Variants in KAT5 observed in about 807,000 individuals in gnomAD.
KAT5 encodes the protein histone acetyltransferase KAT5.
Under a neutral mutation model 68.1 loss-of-function variants are expected in KAT5, and 31 were observed. The observed-to-expected ratio is 0.46, with a 90% CI of 0.34 to 0.61. KAT5 has a LOEUF of 0.61. Ranked by LOEUF, KAT5 falls within the 20% of genes least tolerant of loss-of-function variation. The probability of loss-of-function intolerance (pLI) is 0.01; values close to 1 mark genes in which losing one functional copy is unlikely to be tolerated. For missense variants in KAT5, 451 were observed against 725.5 expected (o/e 0.62, Z 4.35); for synonymous variants, 365 against 292.6 (o/e 1.25, Z -2.52).
At position 65,713,868 on chromosome 11, in the gene KAT5, G is replaced by A; in HGVS notation, c.690+20G>A. 1.3e-6 allele frequency: 2 copies of A among 1,559,622 alleles called. No individual in the cohort carries two copies. ...GATGAGGTGGGTCTGGGGAGCAGCAGAAGGGAACTGGGTGAAAAGGAAGGG... is the reference window on the plus strand; with the variant it reads ...GATGAGGTGGGTCTGGGGAGCAGCAAAAGGGAACTGGGTGAAAAGGAAGGG... On this transcript the variant is annotated intron_variant, in intron 6 of 12. Coordinates refer to ENST00000341318, the MANE Select transcript of KAT5 (RefSeq NM_182710.3).
At chr11:65,717,430 G>T (rs933459052) in intron 10 of KAT5, 1 of 230,636 alleles carries the variant, frequency 4.3e-6, no homozygotes, top group South Asian at 6.1e-5. Flanking sequence ...GTTGTCCCTC[G>T]CTCCTTGTGT....
chr11:65,713,838 G>T lies in KAT5; in HGVS notation c.680G>T (p.Gly227Val), dbSNP rs1243477059. ...PGRKRKSNCL[G>V]TDEDSQDSSD... ...CGGAAGCGAAAATCGAATTGTTTGG[G>T]CACTGATGAGGTGGGTCTGGGGAGC... is the stretch of plus-strand genomic sequence containing the variant. Residue 227 changes from glycine (G) to valine (V), a missense_variant, in exon 6 of 13, where the codon GGC becomes GTC. Around this residue, in one of 4 missense-constraint regions of KAT5, gnomAD observed 210 missense variants for 423.7 expected, o/e 0.50. Transcript: ENST00000341318. 1 of 1,581,166 alleles carries T rather than the reference G, an allele frequency of 6.3e-7. No individual in the cohort carries two copies. The highest frequency in any genetic ancestry group is 1.3e-5 in the African/African-American group (1 of 74,246).
intron 10 of KAT5, chr11:65,718,353 G>C (rs1857275896): frequency 2.1e-6 from 1 of 481,514 alleles, no homozygotes; most frequent in South Asian, 3.0e-5. Flanking sequence ...CCTCATGGTT[G>C]ACTGCAGCTG....
intron 8 of KAT5, 88 bp from the exon 9 acceptor site, chr11:65,716,579 C>T (rs1325418795): frequency 1.1e-5 from 15 of 1,319,508 alleles, no homozygotes; most frequent in Middle Eastern, 2.0e-4. Flanking sequence ...GGGCATAGCA[C>T]GAACAGTGAA....
chr11:65,713,280 C>G, intron 3 of KAT5, 68 bp from the exon 4 acceptor site: 1 of 1,514,682 alleles, frequency 6.6e-7, no homozygotes, highest in Non-Finnish European at 9.1e-7. Context: ...GGTGAGGGAC[C>G]CCTCTTCCCC....
chr11:65,717,092 A>T, intron 10 of KAT5, 110 bp downstream of exon 10: 1 of 860,522 alleles, frequency 1.2e-6, no homozygotes, highest in Non-Finnish European at 1.9e-6. Context: ...CCCAGCCTCT[A>T]GGGGAACCAG....
intron 8 of KAT5, 73 bp from the exon 9 acceptor site, chr11:65,716,594 C>G: frequency 6.9e-7 from 1 of 1,456,710 alleles, no homozygotes; most frequent in Non-Finnish European, 9.5e-7. Context: ...AGTGAAGCTC[C>G]TGGTTGACCC....
intron 1 of KAT5, 109 bp downstream of exon 1, chr11:65,712,554 C>T: frequency 1.5e-6 from 2 of 1,372,828 alleles, no homozygotes; most frequent in Non-Finnish European, 2.0e-6. Flanking sequence ...GGGCGAGGCG[C>T]AGATACTTTG....
rs1426020949 is a variant in KAT5 at position 65,716,732 on chromosome 11, C to T, written c.1095C>T (p.Asp365=). The change falls in exon 9 of 13, where the codon GAC becomes GAT. Residue 365 remains aspartate (D), a synonymous_variant. Transcript: ENST00000341318. ...TTGACCATAAGACACTGTACTATGA[C>T]ACAGACCCTTTCCTCTTCTACGTCA... ...CFLDHKTLYY[D]TDPFLFYVMT... is the part of the protein sequence containing the mutation. 11 of 1,613,540 alleles carry T rather than the reference C, an allele frequency of 6.8e-6. No individual in the cohort carries two copies. The highest frequency in any genetic ancestry group is 9.3e-6 in the Non-Finnish European group (11 of 1,179,546).
rs544178067 is a variant in KAT5, at chr11:65,718,309, C to A, written c.1265-281C>A. 46 of 344,156 alleles carry A rather than the reference C, an allele frequency of 1.3e-4. 1 individual carries two copies. In the South Asian group the frequency reaches 1.9e-3, roughly 14 times the overall value. 21.3% of individuals were successfully genotyped at this position (344,156 alleles called of 1,614,324 possible). A position where few individuals can be genotyped will look rare whatever the true frequency, so the allele number is the denominator to read the frequency against. Reference sequence around the variant, plus strand: ...TCCCATGAGCCATTTTCTCTGCATCCCCTGCCCATAAGCCTTCACTGGCCT... The same window carrying A: ...TCCCATGAGCCATTTTCTCTGCATCACCTGCCCATAAGCCTTCACTGGCCT... On this transcript the variant is annotated intron_variant, in intron 10 of 12. Transcript: ENST00000341318.
Position 65,717,068 on chromosome 11 carries a change from C to G in KAT5, c.1264+86C>G, listed in dbSNP as rs1857221255. ...TGGGCCAGGCTACTGTGATTCTCAA[C>G]CCTGGCTGTGCAGCCCAGCCTCTAG... On this transcript the variant is annotated intron_variant, in intron 10 of 12. Transcript: ENST00000341318. The G allele has an allele frequency of 9.2e-6, 10 of 1,087,874 alleles. No homozygotes were observed. The South Asian group carries it at 1.1e-4, about 13-fold the overall frequency. 67.4% of individuals were successfully genotyped at this position (1,087,874 alleles called of 1,614,324 possible).
chr11:65,713,440 C>T lies in KAT5; in HGVS notation c.477C>T (p.Pro159=), dbSNP rs748203098. The T allele has an allele frequency of 2.5e-6, 4 of 1,614,170 alleles. No individual in the cohort carries two copies. Among genetic ancestry groups the T allele is most frequent in the South Asian group, 1.1e-5 (1 of 91,078 alleles). The change falls in exon 4 of 13, where the codon CCC becomes CCT. Residue 159 remains proline, a synonymous_variant. Coordinates refer to ENST00000341318, the MANE Select transcript of KAT5 (RefSeq NM_182710.3). ...TGCCCAAGGAGCGGGAGGCCATTCCCGGTGGCGAGCCTGACCAGCCGCTCT... is the reference window on the plus strand; with the variant it reads ...TGCCCAAGGAGCGGGAGGCCATTCCTGGTGGCGAGCCTGACCAGCCGCTCT... ...FNLPKEREAI[P]GGEPDQPLSS...
At chr11:65,712,025 G>T (rs2135617680), upstream of KAT5, 1 of 391,394 alleles carries the variant, frequency 2.6e-6, no homozygotes, top group African/African-American at 2.1e-5. Context: ...GTCACGTGAC[G>T]GACTCAGTAG....
upstream of KAT5, chr11:65,712,186 G>A (rs375270159): frequency 5.6e-5 from 75 of 1,344,256 alleles, no homozygotes; most frequent in East Asian, 8.4e-4. Flanking sequence ...CAGGGGCTTC[G>A]TGAGGCCCGG....
chr11:65,718,568 C>T (rs1246164304), intron 10 of KAT5, 22 bp from the exon 11 acceptor site: 1 of 1,604,488 alleles, frequency 6.2e-7, no homozygotes, highest in Admixed American at 1.7e-5. Flanking sequence ...CTTACTCACC[C>T]TCTCCTGCTC....
At position 65,718,708 on chromosome 11, in the gene KAT5, G is replaced by C. The variant is rs1157347764; in HGVS notation, c.1383G>C (p.Gly461=). 1 of 1,614,082 alleles carries C rather than the reference G, an allele frequency of 6.2e-7. No individual in the cohort carries two copies. Among genetic ancestry groups the C allele is most frequent in the Admixed American group, 1.7e-5 (1 of 60,004 alleles). The change falls in exon 11 of 13, where the codon GGG becomes GGC. Residue 461 remains glycine (G), a synonymous_variant. Coordinates refer to ENST00000341318, the MANE Select transcript of KAT5 (RefSeq NM_182710.3). ...AGACCATCCTGGAGATCCTGATGGG[G>C]CTGAAGTCGGAGAGCGGGGAGAGGC... ...WSQTILEILM[G]LKSESGERPQ...
At chr11:65,712,182 C>G (rs1040287278), upstream of KAT5, 11 of 1,322,214 alleles carry the variant, frequency 8.3e-6, no homozygotes, top group African/African-American at 3.1e-5. Context: ...TCTACAGGGG[C>G]TTCGTGAGGC....
At chr11:65,712,124 C>A (rs1025359381), upstream of KAT5, 56 of 726,088 alleles carry the variant, frequency 7.7e-5, no homozygotes, top group African/African-American at 1.0e-3. Flanking sequence ...GTCACAGGGG[C>A]AGTCTTGCCC....
rs1009552395 is a variant in KAT5 at position 65,715,108 on chromosome 11, TACCAATG to T, written c.1029+202_1029+208del. ...GCTTAGTCCATGGGAGAGACAGTCA[TACCAATG>T]ACCTCTAGCTCCCAGTGTCCTAAGT... On this transcript the variant is annotated intron_variant, in intron 8 of 12. Coordinates refer to ENST00000341318, the MANE Select transcript of KAT5 (RefSeq NM_182710.3). The T allele has an allele frequency of 3.7e-4, 222 of 600,862 alleles. 2 individuals are homozygous for T. The highest frequency in any genetic ancestry group is 2.7e-3 in the Middle Eastern group (6 of 2,240). The allele number at this position is 600,862 out of a possible 1,614,324, so 37.2% of individuals were successfully genotyped here.
Sources: gnomAD v4.1 joint callset for allele counts on GRCh38, gnomAD v4.1.1 for gene constraint, gnomAD v4.1.1 regional missense constraint, MANE v1.5 for transcripts, NCBI Gene and HGNC (gene_info 2026-07-23, HGNC 2026-07-21) for gene names.